Variants in PRKCA observed in about 807,000 individuals in gnomAD.
PRKCA encodes protein kinase C alpha.
Under a neutral mutation model 87.0 loss-of-function variants are expected in PRKCA, and 27 were observed. The ratio of observed to expected loss-of-function variants is 0.31; its 90% CI spans 0.23 to 0.43. PRKCA has a LOEUF of 0.43. Among genes scored for constraint, PRKCA ranks in the 20% least tolerant of loss-of-function variants. PRKCA has a pLI of 1.00. For synonymous variants in PRKCA, 329 were observed against 311.1 expected, an observed-to-expected ratio of 1.06 and a Z score of -0.61; for missense variants, 518 against 852.3, an observed-to-expected ratio of 0.61 and a Z score of 4.88.
At chr17:66,687,392 C>G (rs900006265) in intron 6 of PRKCA, 125 bp downstream of exon 6, 40 of 972,344 alleles carry the variant, frequency 4.1e-5, no homozygotes, top group Non-Finnish European at 5.8e-5. Context: ...CCTAAGACCT[C>G]CTCAGGCTGC....
At chr17:66,415,340 G>A (rs1357114579) in intron 2 of PRKCA, 2 of 152,122 alleles carry the variant, frequency 1.3e-5, no homozygotes, top group African/African-American at 4.8e-5. Flanking sequence ...ATTAGCATGA[G>A]GTTGATTCTG....
At chr17:66,400,262 G>A (rs144759787) in intron 2 of PRKCA, among the ~76,000 whole-genome samples, 6 of 152,166 alleles carry the variant, frequency 3.9e-5, no homozygotes, top group East Asian at 1.9e-4. Context: ...GGCAATTCTC[G>A]TGCCTTAGCC....
rs548128839 is a variant in PRKCA, at chr17:66,537,846, C to T, written c.288+41563C>T. ...TGGGAGATGGAGTCTTGCTCTGTCA[C>T]CCAGGCTGGAGTGCATTGGCATGAT... On this transcript the variant is annotated intron_variant, in intron 3 of 16. Coordinates refer to ENST00000413366, the MANE Select transcript of PRKCA (RefSeq NM_002737.3). Among the ~76,000 whole-genome samples, 6 of 152,252 alleles carry T rather than the reference C, an allele frequency of 3.9e-5. No homozygotes were observed. In the East Asian group the frequency reaches 9.6e-4, roughly 24 times the overall value.
At chr17:66,684,571 A>G (rs1972576323) in intron 5 of PRKCA, among the ~76,000 whole-genome samples, 1 of 152,178 alleles carries the variant, frequency 6.6e-6, no homozygotes, top group South Asian at 2.1e-4. Context: ...AACTCTTTTT[A>G]TTTTCAACTT....
chr17:66,747,615 C>T (rs905169631), intron 13 of PRKCA, among the ~76,000 whole-genome samples: 8 of 152,152 alleles, frequency 5.3e-5, no homozygotes. Context: ...TGACCGGAGC[C>T]CGTACGTTCT....
In PRKCA at chr17:66,689,562, T is replaced by A. The variant is rs1405576786; in HGVS notation, c.918+515T>A. On this transcript the variant is annotated intron_variant, in intron 8 of 16. Coordinates refer to ENST00000413366, the MANE Select transcript of PRKCA (RefSeq NM_002737.3). This position sits in a 1 kb window ranked among gnomAD's most constrained non-coding sequence, Gnocchi z 4.1. The stretch of plus-strand genomic sequence containing the variant: ...CCCTTTTTATTTATGCTCCAGATGT[T>A]TAGCAAAGGCCACCTCCTTCTCTTC... Among the ~76,000 whole-genome samples the A allele has an allele frequency of 6.6e-6, 1 of 152,198 alleles. No homozygotes were observed. The highest frequency in any genetic ancestry group is 1.5e-5 in the Non-Finnish European group (1 of 68,040).
intron 3 of PRKCA, among the ~76,000 whole-genome samples, chr17:66,587,902 T>C (rs1362076937): frequency 1.0e-4 from 4 of 39,874 alleles, no homozygotes; most frequent in Non-Finnish European, 1.7e-4. Flanking sequence ...TGTGTATATA[T>C]ATATATATAT....
chr17:66,603,753 C>T (rs190673731), intron 3 of PRKCA, among the ~76,000 whole-genome samples: 116 of 152,270 alleles, frequency 7.6e-4, no homozygotes, highest in Non-Finnish European at 1.5e-3. Context: ...ACTCATGAAA[C>T]ACCAGCTCCT....
At chr17:66,696,858 G>T (rs537209193) in intron 8 of PRKCA, among the ~76,000 whole-genome samples, 2 of 152,246 alleles carry the variant, frequency 1.3e-5, no homozygotes, top group East Asian at 3.9e-4. Flanking sequence ...CAGGAGGCTG[G>T]GGAAAGTTGT....
At chr17:66,709,870 T>G (rs753159647) in intron 8 of PRKCA, among the ~76,000 whole-genome samples, 1 of 152,236 alleles carries the variant, frequency 6.6e-6, no homozygotes, top group African/African-American at 2.4e-5. Context: ...AAACAAAATC[T>G]TGTTACTAAT....
intron 14 of PRKCA, among the ~76,000 whole-genome samples, chr17:66,781,781 G>A (rs1294329602): frequency 1.3e-5 from 2 of 150,984 alleles, no homozygotes; most frequent in Non-Finnish European, 2.9e-5. Flanking sequence ...TGATGGTTAC[G>A]GAGAAACATG....
intron 3 of PRKCA, among the ~76,000 whole-genome samples, chr17:66,634,776 A>G (rs570488729): frequency 6.6e-6 from 1 of 152,326 alleles, no homozygotes; most frequent in African/African-American, 2.4e-5. Flanking sequence ...CTTGGTTTCC[A>G]GGAAGCTCAG....
At chr17:66,779,628 A>C (rs554032840) in intron 14 of PRKCA, among the ~76,000 whole-genome samples, 2 of 152,180 alleles carry the variant, frequency 1.3e-5, no homozygotes. Flanking sequence ...CTGAGATCAC[A>C]CCAGTGCAGT....
intron 2 of PRKCA, among the ~76,000 whole-genome samples, chr17:66,439,519 C>T (rs1295854302): frequency 6.6e-6 from 1 of 152,154 alleles, no homozygotes; most frequent in African/African-American, 2.4e-5. Flanking sequence ...TTATGTTGCT[C>T]TACCATTTCC....
In PRKCA at chr17:66,321,240, A is replaced by G. The variant is rs1293929095; in HGVS notation, c.205+15113A>G. 1.3e-5 allele frequency among the ~76,000 whole-genome samples: 2 copies of G among 152,152 alleles called. 1 individual carries two copies. Among genetic ancestry groups the G allele is most frequent in the East Asian group, 3.8e-4 (2 of 5,198 alleles). On this transcript the variant is annotated intron_variant, in intron 2 of 16. Coordinates refer to ENST00000413366, the MANE Select transcript of PRKCA (RefSeq NM_002737.3). ...TTGCTTTAAAAATTAGTCTGAAACA[A>G]TGGTTACTTTTTTTCTCCTTGGTAA...
intron 5 of PRKCA, among the ~76,000 whole-genome samples, chr17:66,678,821 TTTGTG>T (rs1206429921): frequency 6.6e-6 from 1 of 152,208 alleles, no homozygotes; most frequent in Non-Finnish European, 1.5e-5. Context: ...CAATATTTGT[TTTGTG>T]GCCTTAAAAA....
intron 2 of PRKCA, among the ~76,000 whole-genome samples, chr17:66,438,706 C>T (rs550615946): frequency 6.6e-6 from 1 of 152,268 alleles, no homozygotes; most frequent in Middle Eastern, 3.4e-3. Flanking sequence ...AGGAAACTCA[C>T]AATCATGGTG....
intron 3 of PRKCA, among the ~76,000 whole-genome samples, chr17:66,534,050 T>C (rs1327555884): frequency 6.6e-6 from 1 of 152,054 alleles, no homozygotes; most frequent in African/African-American, 2.4e-5. Context: ...CATGACCTTT[T>C]CTGGAACTGC....
chr17:66,368,908 C>T (rs1425643517), intron 2 of PRKCA, among the ~76,000 whole-genome samples: 1 of 152,148 alleles, frequency 6.6e-6, no homozygotes, highest in African/African-American at 2.4e-5. Flanking sequence ...AATTACCTGA[C>T]CCAGGAGACA....
Sources: allele counts gnomAD v4.1 joint callset (sites outside exome capture counted in the v4.1 genomes callset), GRCh38; gene constraint gnomAD v4.1.1; non-coding constraint Gnocchi (gnomAD v3.1); transcripts MANE v1.5; gene names NCBI Gene and HGNC (gene_info 2026-07-23, HGNC 2026-07-21).